PACRG: variants seen among roughly 807,000 people sequenced by gnomAD.
PACRG encodes the protein parkin coregulated gene protein.
PACRG carries 29 observed loss-of-function variants against 29.7 expected under a neutral mutation model. That is an observed-to-expected ratio of 0.98 (90% confidence interval 0.73 to 1.33). The LOEUF is 1.33. PACRG is among the 40% of genes most tolerant of loss of function. PACRG has a pLI of 0.00. For missense variants in PACRG, 279 were observed against 316.2 expected, an observed-to-expected ratio of 0.88 and a Z score of 0.89; for synonymous variants, 116 against 118.7, an observed-to-expected ratio of 0.98 and a Z score of 0.15.
intron 4 of PACRG, among the ~76,000 whole-genome samples, chr6:163,110,673 T>C (rs980206228): frequency 6.6e-6 from 1 of 152,186 alleles, no homozygotes; most frequent in Non-Finnish European, 1.5e-5. Flanking sequence ...AACATTCACA[T>C]TGCACACCTT....
chr6:162,760,399 C>T (rs554690572), intron 1 of PACRG, among the ~76,000 whole-genome samples: 27 of 152,240 alleles, frequency 1.8e-4, no homozygotes, highest in East Asian at 7.7e-4. Context: ...CACCAGGCCA[C>T]GCTGTCAGAG....
intron 2 of PACRG, among the ~76,000 whole-genome samples, chr6:163,034,816 C>T (rs1585051535): frequency 6.6e-6 from 1 of 152,124 alleles, no homozygotes; most frequent in South Asian, 2.1e-4. Flanking sequence ...GTTCTTGGAC[C>T]TCGCGCAAGA....
chr6:163,207,136 A>G (rs1780936387), intron 4 of PACRG, among the ~76,000 whole-genome samples: 1 of 152,204 alleles, frequency 6.6e-6, no homozygotes, highest in Non-Finnish European at 1.5e-5. Context: ...TTTAAATGAA[A>G]TGATTTCAGT....
chr6:162,974,204 G>A (rs1423966311), intron 2 of PACRG, among the ~76,000 whole-genome samples: 1 of 152,170 alleles, frequency 6.6e-6, no homozygotes, highest in African/African-American at 2.4e-5. Context: ...TGCAGATGGA[G>A]GGCGGCTGCC....
chr6:162,732,685 T>TG (rs1779863178), intron 1 of PACRG, among the ~76,000 whole-genome samples: 1 of 152,220 alleles, frequency 6.6e-6, no homozygotes, highest in East Asian at 1.9e-4. Flanking sequence ...GATGAACTAA[T>TG]GGGTGCCCTC....
chr6:162,831,002 C>T (rs1013515983), intron 2 of PACRG, among the ~76,000 whole-genome samples: 9 of 152,202 alleles, frequency 5.9e-5, no homozygotes, highest in Non-Finnish European at 1.0e-4. Context: ...TAATCTGCTT[C>T]ATTTTGTCCT....
At chr6:163,101,635 A>G (rs1333549583) in intron 4 of PACRG, among the ~76,000 whole-genome samples, 5 of 152,168 alleles carry the variant, frequency 3.3e-5, no homozygotes, top group Non-Finnish European at 4.4e-5. Context: ...ATAGACAACC[A>G]TGGAGTGAGG....
chr6:163,315,090 C>T lies in PACRG; in HGVS notation c.*103C>T, dbSNP rs1202831891. ...CTTGTGACTTCCACAGCTTTCTTTT[C>T]TACAGCTGCTAAAATAGTGGCTTAT... On this transcript the variant is annotated 3_prime_UTR_variant, in exon 5 of 5. Transcript: ENST00000366888. 1 of 1,354,272 alleles carries T rather than the reference C, an allele frequency of 7.4e-7. No homozygotes were observed. Among genetic ancestry groups the T allele is most frequent in the African/African-American group, 1.5e-5 (1 of 68,566 alleles). The allele number at this position is 1,354,272 out of a possible 1,614,324, so 83.9% of individuals were successfully genotyped here.
intron 2 of PACRG, among the ~76,000 whole-genome samples, chr6:162,842,806 TC>T (rs1192714693): frequency 7.7e-6 from 1 of 129,668 alleles, no homozygotes; most frequent in African/African-American, 3.4e-5. Flanking sequence ...TGACAAAATC[TC>T]TCAGCATTTG....
intron 4 of PACRG, among the ~76,000 whole-genome samples, chr6:163,209,969 A>G (rs1781066932): frequency 6.6e-6 from 1 of 152,174 alleles, no homozygotes; most frequent in Admixed American, 6.5e-5. Context: ...CCGAGCCCCT[A>G]AAAGTCTCCA....
intron 3 of PACRG, 133 bp from the exon 4 acceptor site, chr6:163,089,126 T>C: frequency 1.2e-6 from 1 of 822,528 alleles, no homozygotes; most frequent in South Asian, 1.9e-5. Flanking sequence ...AAAGCTATAA[T>C]AATAAAGGCC....
chr6:163,117,239 T>C (rs1024769777), intron 4 of PACRG, among the ~76,000 whole-genome samples: 3 of 152,218 alleles, frequency 2.0e-5, no homozygotes, highest in Non-Finnish European at 2.9e-5. Context: ...CTTGTGAATG[T>C]GGAACCCTTC....
chr6:163,293,229 C>A (rs1321854299), intron 4 of PACRG, among the ~76,000 whole-genome samples: 1 of 152,122 alleles, frequency 6.6e-6, no homozygotes, highest in Non-Finnish European at 1.5e-5. Context: ...CTGTAATGAT[C>A]GAATAGCAGT....
chr6:163,071,932 A>G (rs773426283), intron 3 of PACRG, among the ~76,000 whole-genome samples: 1 of 152,022 alleles, frequency 6.6e-6, no homozygotes, highest in Non-Finnish European at 1.5e-5. Flanking sequence ...TAGACAAAGC[A>G]TAATAAAAAG....
chr6:162,817,717 G>GA (rs1787480714), intron 2 of PACRG, among the ~76,000 whole-genome samples: 1 of 152,108 alleles, frequency 6.6e-6, no homozygotes, highest in Admixed American at 6.5e-5. Context: ...AGACCATGCA[G>GA]CTACAGATTA....
chr6:163,035,481 T>G (rs1348806886), intron 2 of PACRG, among the ~76,000 whole-genome samples: 1 of 152,126 alleles, frequency 6.6e-6, no homozygotes, highest in East Asian at 1.9e-4. Flanking sequence ...ATTCCGTCTC[T>G]ACTAAAAATA....
chr6:163,100,834 T>A (rs2128313729), intron 4 of PACRG: 1 of 984,878 alleles, frequency 1.0e-6, no homozygotes, highest in Admixed American at 6.1e-5. Flanking sequence ...AATGGACATA[T>A]TCTCTAGAAA....
rs1194130881 is a variant in PACRG, at chr6:163,193,945, T to C, written c.613+104537T>C. 4.0e-5 allele frequency among the ~76,000 whole-genome samples: 6 copies of C among 148,566 alleles called. No individual in the cohort carries two copies. In the East Asian group the frequency reaches 1.2e-3, roughly 30 times the overall value. On this transcript the variant is annotated intron_variant, in intron 4 of 4. Transcript: ENST00000366888. The stretch of plus-strand genomic sequence containing the variant: ...TCTCATTCTGTCACCCAGGCTGGAG[T>C]GCAGTGCCGCGATCTCGGCTCAGTG...
At chr6:163,044,615 A>C (rs565863142) in intron 2 of PACRG, 147 of 152,326 alleles carry the variant, frequency 9.7e-4, no homozygotes, top group African/African-American at 3.3e-3. Flanking sequence ...AACTTGAACT[A>C]GCTTATGAAG....
Sources: allele counts gnomAD v4.1 joint callset (sites outside exome capture counted in the v4.1 genomes callset), GRCh38; gene constraint gnomAD v4.1.1; transcripts MANE v1.5; gene names NCBI Gene and HGNC (gene_info 2026-07-23, HGNC 2026-07-21).